XRCC4: variants seen among roughly 807,000 people sequenced by gnomAD.
XRCC4 encodes X-ray repair cross complementing 4, also known as DNA repair protein XRCC4.
Under a neutral mutation model 39.1 loss-of-function variants are expected in XRCC4, and 28 were observed. The observed-to-expected ratio is 0.72, with a 90% CI of 0.53 to 0.98. The LOEUF (loss-of-function observed/expected upper bound fraction) is 0.98, where lower values mean the gene tolerates loss of function less well. Ranked by LOEUF, XRCC4 falls within the 50% of genes least tolerant of loss-of-function variation. XRCC4 has a pLI of 0.00. For missense variants in XRCC4, 350 were observed against 376.4 expected (o/e 0.93, Z 0.58); for synonymous variants, 123 against 126.4 (o/e 0.97, Z 0.18).
chr5:83,275,753 T>C (rs1754309166), intron 7 of XRCC4, among the ~76,000 whole-genome samples: 1 of 152,222 alleles, frequency 6.6e-6, no homozygotes, highest in Non-Finnish European at 1.5e-5. Context: ...ACAGACAGCC[T>C]GAGTGGCTGT....
At chr5:83,369,513 G>A in the XRCC4 span, among the ~76,000 whole-genome samples, 4 of 152,132 alleles carry the variant, frequency 2.6e-5, no homozygotes, top group Admixed American at 2.6e-4. Context: ...TTGGTTTTCT[G>A]TTTCTGCATT....
At chr5:83,342,062 A>G (rs994629068) in intron 7 of XRCC4, among the ~76,000 whole-genome samples, 1 of 152,222 alleles carries the variant, frequency 6.6e-6, no homozygotes, top group African/African-American at 2.4e-5. Flanking sequence ...ATAGGCATAG[A>G]TCAACAGTAG....
intron 6 of XRCC4, among the ~76,000 whole-genome samples, chr5:83,249,795 G>T (rs2112870701): frequency 6.6e-6 from 1 of 152,180 alleles, no homozygotes; most frequent in East Asian, 1.9e-4. Context: ...TAGTGATCTT[G>T]TCCTAGTTCT....
At chr5:83,258,158 G>A (rs996653346) in intron 6 of XRCC4, among the ~76,000 whole-genome samples, 2 of 151,996 alleles carry the variant, frequency 1.3e-5, no homozygotes, top group African/African-American at 2.4e-5. Context: ...TGCACGTTCT[G>A]TACATGTATC....
At chr5:83,342,443 G>A (rs1047107707) in intron 7 of XRCC4, among the ~76,000 whole-genome samples, 5 of 152,116 alleles carry the variant, frequency 3.3e-5, no homozygotes, top group Non-Finnish European at 5.9e-5. Flanking sequence ...AACATTAAGT[G>A]TATTCACTCT....
rs1283409422 is a variant in XRCC4 at position 83,353,221 on chromosome 5, A to G, written c.984A>G (p.Glu328=). The G allele has an allele frequency of 2.5e-6, 4 of 1,610,488 alleles. No homozygotes were observed. Among genetic ancestry groups the G allele is most frequent in the Non-Finnish European group, 3.4e-6 (4 of 1,178,456 alleles). Residue 328 remains glutamate, a synonymous_variant, in exon 8 of 8, where the codon GAA becomes GAG. Coordinates refer to ENST00000396027, the MANE Select transcript of XRCC4 (RefSeq NM_003401.5). ...AAACTCTGAGAAACAGCAGCCCAGA[A>G]GACCTCTTTGATGAGATTTAACAGT... is the stretch of plus-strand genomic sequence containing the variant. ...SLETLRNSSP[E]DLFDEI is the part of the protein sequence containing the mutation.
At chr5:83,209,922 A>G (rs536706973) in intron 6 of XRCC4, among the ~76,000 whole-genome samples, 2 of 152,276 alleles carry the variant, frequency 1.3e-5, no homozygotes, top group South Asian at 2.1e-4. Context: ...TTAGCACATT[A>G]GTTTAATTAA....
At chr5:83,356,093 A>T (rs1554077028), downstream of XRCC4, among the ~76,000 whole-genome samples, 1 of 137,578 alleles carries the variant, frequency 7.3e-6, no homozygotes, top group Non-Finnish European at 1.5e-5. Flanking sequence ...AAAGGAAAAA[A>T]ACTTTTAAAT....
At chr5:83,241,156 G>T (rs954464409) in intron 6 of XRCC4, among the ~76,000 whole-genome samples, 1 of 151,142 alleles carries the variant, frequency 6.6e-6, no homozygotes, top group African/African-American at 2.4e-5. Flanking sequence ...CATGAGAATT[G>T]CTTGAACCTC....
At chr5:83,172,340 C>T (rs61349395) in intron 3 of XRCC4, among the ~76,000 whole-genome samples, 3,755 of 152,258 alleles carry the variant, frequency 0.025, 69 homozygotes, top group East Asian at 0.072. Context: ...CTAACCATTG[C>T]TTGTCCCTAA....
chr5:83,096,402 A>G (rs1161673516), intron 1 of XRCC4, among the ~76,000 whole-genome samples: 1 of 152,132 alleles, frequency 6.6e-6, no homozygotes, highest in Non-Finnish European at 1.5e-5. Context: ...TTTGTGGGGC[A>G]CTTGGGTGTG....
At chr5:83,364,076 C>T in the XRCC4 span, among the ~76,000 whole-genome samples, 1 of 152,144 alleles carries the variant, frequency 6.6e-6, no homozygotes, top group Admixed American at 6.6e-5. Flanking sequence ...TTAAATAACA[C>T]AAAGCATTGT....
intron 3 of XRCC4, among the ~76,000 whole-genome samples, chr5:83,112,737 C>CTCCCCTTTAT (rs1282218963): frequency 6.6e-6 from 1 of 151,842 alleles, no homozygotes; most frequent in Non-Finnish European, 1.5e-5. Context: ...GGCAAAAGAA[C>CTCCCCTTTAT]ATGTGCAGGG....
At chr5:83,321,061 G>A (rs1258938382) in intron 7 of XRCC4, among the ~76,000 whole-genome samples, 2 of 151,862 alleles carry the variant, frequency 1.3e-5, no homozygotes, top group East Asian at 1.9e-4. Context: ...TGCCCGCCTC[G>A]GCCTCCCAAA....
At chr5:83,128,350 C>T (rs973575108) in intron 3 of XRCC4, among the ~76,000 whole-genome samples, 5 of 152,176 alleles carry the variant, frequency 3.3e-5, no homozygotes, top group Non-Finnish European at 7.3e-5. Flanking sequence ...ATATGTGCCA[C>T]ATTTTCTTAA....
At chr5:83,135,793 T>A (rs1342551146) in intron 3 of XRCC4, among the ~76,000 whole-genome samples, 2 of 152,210 alleles carry the variant, frequency 1.3e-5, no homozygotes, top group Non-Finnish European at 2.9e-5. Flanking sequence ...TTGTTTACAT[T>A]CTTGAACATA....
intron 4 of XRCC4, among the ~76,000 whole-genome samples, chr5:83,197,421 A>G (rs1750997606): frequency 6.6e-6 from 1 of 152,166 alleles, no homozygotes; most frequent in African/African-American, 2.4e-5. Context: ...TTGATCCACA[A>G]ATTGCCTACA....
chr5:83,130,386 AT>A (rs1561348183), intron 3 of XRCC4, among the ~76,000 whole-genome samples: 1 of 151,968 alleles, frequency 6.6e-6, no homozygotes, highest in Non-Finnish European at 1.5e-5. Flanking sequence ...TTTATTGAGG[AT>A]TTTTGCATCG....
chr5:83,315,844 G>C (rs1460244321), intron 7 of XRCC4, among the ~76,000 whole-genome samples: 2 of 152,122 alleles, frequency 1.3e-5, no homozygotes, highest in Admixed American at 6.6e-5. Flanking sequence ...TTTCATGCCT[G>C]CTAACACAAC....
Sources: gnomAD v4.1 joint callset for allele counts (sites outside exome capture counted in the v4.1 genomes callset) on GRCh38, gnomAD v4.1.1 for gene constraint, MANE v1.5 for transcripts, NCBI Gene and HGNC (gene_info 2026-07-23, HGNC 2026-07-21) for gene names.